The following PRMT8 variants were observed in gnomAD, a reference collection of about 807,000 sequenced individuals.
PRMT8 encodes protein arginine methyltransferase 8, also known as protein arginine N-methyltransferase 8.
A neutral mutation model predicts 47.1 loss-of-function variants in PRMT8; 7 were observed. That is an observed-to-expected ratio of 0.15 (90% CI 0.08 to 0.28). The LOEUF (loss-of-function observed/expected upper bound fraction) is 0.28, where lower values mean the gene tolerates loss of function less well. PRMT8 is among the 10% of genes least tolerant of loss of function. The probability of loss-of-function intolerance (pLI) is 1.00; values close to 1 mark genes in which losing one functional copy is unlikely to be tolerated. For missense variants in PRMT8, 237 were observed against 505.4 expected, an observed-to-expected ratio of 0.47 and a Z score of 5.09; for synonymous variants, 188 against 186.5, an observed-to-expected ratio of 1.01 and a Z score of -0.07.
intron 1 of PRMT8, among the ~76,000 whole-genome samples, chr12:3,451,453 A>C (rs1044860316): frequency 1.3e-5 from 2 of 152,174 alleles, no homozygotes; most frequent in Non-Finnish European, 2.9e-5. Context: ...CATGTGCAGA[A>C]AAGATCCTTT....
chr12:3,428,794 CTCTG>C (rs150401626), intron 1 of PRMT8, among the ~76,000 whole-genome samples: 2,335 of 151,726 alleles, frequency 0.015, 31 homozygotes, highest in Middle Eastern at 0.021. Context: ...CTTACCTTGA[CTCTG>C]TCTTTGTCTC....
upstream of PRMT8, among the ~76,000 whole-genome samples, chr12:3,489,839 G>GCACA (rs35501021): frequency 0.041 from 5,899 of 144,796 alleles, 395 homozygotes; most frequent in African/African-American, 0.13. Context: ...ACACACGCGC[G>GCACA]CACACACACA....
chr12:3,487,701 C>G (rs1301937469), upstream of PRMT8, among the ~76,000 whole-genome samples: 1 of 152,242 alleles, frequency 6.6e-6, no homozygotes, highest in Non-Finnish European at 1.5e-5. Flanking sequence ...CTCATCCCAA[C>G]CATCAACACA....
In PRMT8 at chr12:3,443,544, T is replaced by G. The variant is rs144977605; in HGVS notation, c.48+62102T>G. Among the ~76,000 whole-genome samples, 24 of 152,270 alleles carry G rather than the reference T, an allele frequency of 1.6e-4. No individual in the cohort carries two copies. In the East Asian group the frequency reaches 4.6e-3, roughly 29 times the overall value. On this transcript the variant is annotated intron_variant, in intron 1 of 9. Transcript: ENST00000452611. ...TACACTTCCCTCCCTTTCCACTACG[T>G]CCAGCCTGGCCAAAGCCACCATCAT...
At chr12:3,426,079 G>A (rs145236992) in intron 1 of PRMT8, among the ~76,000 whole-genome samples, 37 of 152,332 alleles carry the variant, frequency 2.4e-4, no homozygotes, top group African/African-American at 7.9e-4. Flanking sequence ...AGAGAGCTTG[G>A]CAAGACTTGT....
At chr12:3,423,491 C>T (rs542077489) in intron 1 of PRMT8, among the ~76,000 whole-genome samples, 8 of 152,188 alleles carry the variant, frequency 5.3e-5, no homozygotes, top group Non-Finnish European at 1.0e-4. Context: ...GGCCATTTTT[C>T]ATCTTTCCAA....
chr12:3,513,362 ACAG>A (rs1285871243), intron 1 of PRMT8, among the ~76,000 whole-genome samples: 1 of 152,130 alleles, frequency 6.6e-6, no homozygotes, highest in African/African-American at 2.4e-5. Context: ...TACCTACTGA[ACAG>A]ATAACTCCTA....
intron 1 of PRMT8, among the ~76,000 whole-genome samples, chr12:3,450,787 T>C (rs1327793077): frequency 6.6e-6 from 1 of 152,202 alleles, no homozygotes; most frequent in Non-Finnish European, 1.5e-5. Flanking sequence ...AAAGTTGAGA[T>C]TTAATATAAT....
intron 1 of PRMT8, among the ~76,000 whole-genome samples, chr12:3,422,663 ATGTC>A (rs536419642): frequency 9.1e-4 from 138 of 152,272 alleles, no homozygotes; most frequent in African/African-American, 3.2e-3. Flanking sequence ...TTTCCATACA[ATGTC>A]TGAAATCTAT....
At chr12:3,585,559 G>C (rs1228514372) in intron 8 of PRMT8, among the ~76,000 whole-genome samples, 2 of 150,478 alleles carry the variant, frequency 1.3e-5, no homozygotes, top group African/African-American at 2.4e-5. Flanking sequence ...GTAGAGATGG[G>C]GTCTTGCCTC....
chr12:3,448,922 A>C (rs1051493521), intron 1 of PRMT8, among the ~76,000 whole-genome samples: 1 of 151,904 alleles, frequency 6.6e-6, no homozygotes, highest in East Asian at 1.9e-4. Context: ...AGTGTGTGCT[A>C]TTCCCCTCCC....
chr12:3,437,549 C>T, intron 1 of PRMT8, among the ~76,000 whole-genome samples: 1 of 151,498 alleles, frequency 6.6e-6, no homozygotes, highest in Admixed American at 6.6e-5. Flanking sequence ...GCCTCAGTGT[C>T]TGTTCCCTTC....
intron 1 of PRMT8, among the ~76,000 whole-genome samples, chr12:3,401,480 A>G (rs1410717385): frequency 6.6e-6 from 1 of 152,148 alleles, no homozygotes; most frequent in African/African-American, 2.4e-5. Flanking sequence ...GTCAGGCAAG[A>G]GAAAGAAATA....
chr12:3,465,458 A>T (rs1222247730), intron 1 of PRMT8, among the ~76,000 whole-genome samples: 1 of 151,854 alleles, frequency 6.6e-6, no homozygotes, highest in Non-Finnish European at 1.5e-5. Context: ...TTTTCTGGGA[A>T]CTTTTGTTTG....
chr12:3,505,399 GTC>G (rs1865606434), intron 1 of PRMT8, among the ~76,000 whole-genome samples: 1 of 152,146 alleles, frequency 6.6e-6, no homozygotes, highest in African/African-American at 2.4e-5. Flanking sequence ...CGAGAAAGTG[GTC>G]TCTCTCCCTT....
chr12:3,459,602 CAAAG>C (rs1243805750), intron 1 of PRMT8, among the ~76,000 whole-genome samples: 11 of 152,012 alleles, frequency 7.2e-5, no homozygotes, highest in African/African-American at 2.4e-4. Context: ...ACAAATTTGG[CAAAG>C]AAAGGTGTTT....
intron 1 of PRMT8, among the ~76,000 whole-genome samples, chr12:3,435,056 C>A (rs1467449954): frequency 6.6e-6 from 1 of 150,644 alleles, no homozygotes; most frequent in Non-Finnish European, 1.5e-5. Flanking sequence ...TCAACCTCTA[C>A]CTCCTGGGTT....
chr12:3,534,088 G>A (rs1434409085), intron 1 of PRMT8, among the ~76,000 whole-genome samples: 1 of 152,204 alleles, frequency 6.6e-6, no homozygotes, highest in Non-Finnish European at 1.5e-5. Flanking sequence ...GTGGGGTGAG[G>A]CCCAGGCTGG....
At chr12:3,432,485 T>C (rs1270941235) in intron 1 of PRMT8, among the ~76,000 whole-genome samples, 3 of 151,924 alleles carry the variant, frequency 2.0e-5, no homozygotes, top group Non-Finnish European at 2.9e-5. Flanking sequence ...GCAGAGGAGA[T>C]GACATGCAAA....
Sources: allele counts gnomAD v4.1 joint callset (sites outside exome capture counted in the v4.1 genomes callset), GRCh38; gene constraint gnomAD v4.1.1; transcripts MANE v1.5; gene names NCBI Gene and HGNC (gene_info 2026-07-23, HGNC 2026-07-21).